Variants in MYO18A observed in about 807,000 individuals in gnomAD.
The protein encoded by MYO18A is myosin XVIIIA.
Under a neutral mutation model 235.8 loss-of-function variants are expected in MYO18A, and 78 were observed. That is an observed-to-expected ratio of 0.33 (90% CI 0.28 to 0.40). The LOEUF is 0.40. Among genes scored for constraint, MYO18A ranks in the 10% least tolerant of loss-of-function variants. The pLI is 1.00. For synonymous variants in MYO18A, 977 were observed against 1,077.8 expected (o/e 0.91, Z 1.83); for missense variants, 2,215 against 2,699.3 (o/e 0.82, Z 3.98).
chr17:29,166,948 G>T lies in MYO18A; in HGVS notation c.-8C>A. The T allele has an allele frequency of 6.6e-7, 1 of 1,526,434 alleles. No homozygotes were observed. Among genetic ancestry groups the T allele is most frequent in the Non-Finnish European group, 8.8e-7 (1 of 1,132,250 alleles). The allele number at this position is 1,526,434 out of a possible 1,614,324, so 94.6% of individuals were successfully genotyped here. ...CTTCATTAGGTTAAACATGGTGGGGGTGCTGTTTGTAGGGGTAGCACCCCC... is the reference window on the plus strand; with the variant it reads ...CTTCATTAGGTTAAACATGGTGGGGTTGCTGTTTGTAGGGGTAGCACCCCC... On this transcript the variant is annotated 5_prime_UTR_variant, in exon 2 of 42. Coordinates refer to ENST00000527372, the MANE Select transcript of MYO18A (RefSeq NM_078471.4).
chr17:29,157,787 T>C (rs2068091122), intron 2 of MYO18A, among the ~76,000 whole-genome samples: 1 of 152,086 alleles, frequency 6.6e-6, no homozygotes, highest in Non-Finnish European at 1.5e-5. Context: ...GTTCAGTCTT[T>C]TTTTTTTCTT....
chr17:29,080,174 T>C, intron 41 of MYO18A: 1 of 986,038 alleles, frequency 1.0e-6, no homozygotes, highest in Non-Finnish European at 1.2e-6. Flanking sequence ...CTCCGGGCAC[T>C]TTGGATGCTC....
intron 2 of MYO18A, among the ~76,000 whole-genome samples, chr17:29,139,860 G>T (rs2067695251): frequency 6.6e-6 from 1 of 152,118 alleles, no homozygotes; most frequent in African/African-American, 2.4e-5. Context: ...CAACTCCAAG[G>T]ACCATCCCCT....
At position 29,117,883 on chromosome 17, in the gene MYO18A, G is replaced by A; in HGVS notation, c.2038+162C>T. On this transcript the variant is annotated intron_variant, in intron 10 of 41. Transcript: ENST00000527372. This position sits in a 1 kb window ranked among gnomAD's most constrained non-coding sequence, Gnocchi z 4.6. ...CGTCACTGCCAAAGATGCTTCCCGG[G>A]CCTTCTGCTCTGAAGTGGGGGGCTG... 1 of 840,982 alleles carries A rather than the reference G, an allele frequency of 1.2e-6. No homozygotes were observed. The highest frequency in any genetic ancestry group is 1.8e-6 in the Non-Finnish European group (1 of 555,632). The allele number at this position is 840,982 out of a possible 1,614,324, so 52.1% of individuals were successfully genotyped here. A position where few individuals can be genotyped will look rare whatever the true frequency, so the allele number is the denominator to read the frequency against.
intron 11 of MYO18A, among the ~76,000 whole-genome samples, chr17:29,116,065 A>G (rs1191478767): frequency 2.6e-5 from 4 of 152,228 alleles, no homozygotes; most frequent in African/African-American, 7.2e-5. Context: ...GTAACTCCAC[A>G]TGCTGCCACC....
At chr17:29,178,382 G>T (rs999993155) in intron 1 of MYO18A, among the ~76,000 whole-genome samples, 7 of 152,062 alleles carry the variant, frequency 4.6e-5, no homozygotes, top group Non-Finnish European at 1.0e-4. Flanking sequence ...CCGCCAGCCT[G>T]TGGCCCCTCC....
chr17:29,116,321 C>A, intron 11 of MYO18A, 123 bp downstream of exon 11: 1 of 1,126,304 alleles, frequency 8.9e-7, no homozygotes, highest in East Asian at 2.4e-5. Context: ...CACTGATGGC[C>A]CAACAGTGGG....
chr17:29,149,582 C>G (rs900081635), intron 2 of MYO18A, among the ~76,000 whole-genome samples: 5 of 152,230 alleles, frequency 3.3e-5, no homozygotes, highest in Non-Finnish European at 7.3e-5. Flanking sequence ...CAAGTAGGGA[C>G]GCCTGGGCTT....
At position 29,122,263 on chromosome 17, in the gene MYO18A, A is replaced by G; in HGVS notation, c.1000-10T>C. On this transcript the variant is annotated splice_polypyrimidine_tract_variant and intron_variant, in intron 2 of 41. Transcript: ENST00000527372. Reference sequence around the variant, plus strand: ...GTTCTTCTGTTTTCGCCTGTCAGAGAGAGAGAAGAATAAACAGGCCCTGCT... The same window carrying G: ...GTTCTTCTGTTTTCGCCTGTCAGAGGGAGAGAAGAATAAACAGGCCCTGCT... 6.2e-7 allele frequency: 1 copy of G among 1,607,042 alleles called. No individual in the cohort carries two copies. The highest frequency in any genetic ancestry group is 8.5e-7 in the Non-Finnish European group (1 of 1,176,712).
At position 29,090,067 on chromosome 17, in the gene MYO18A, A is replaced by T. The variant is rs1173948661; in HGVS notation, c.5420T>A (p.Leu1807Gln). Residue 1807 changes from leucine (L) to glutamine (Q), a missense_variant, in exon 37 of 42, where the codon CTG becomes CAG. Transcript: ENST00000527372. ...GGACTTGTCCACCATGGACTGCTCC[A>T]GGAACTCCACCTGGCTCTGGAGGGC... ...LQALQSQVEF[L>Q]EQSMVDKSLV... The T allele has an allele frequency of 6.2e-7, 1 of 1,613,532 alleles. No individual in the cohort carries two copies.
At chr17:29,150,324 G>A (rs1420468234) in intron 2 of MYO18A, among the ~76,000 whole-genome samples, 2 of 152,262 alleles carry the variant, frequency 1.3e-5, no homozygotes, top group Admixed American at 6.5e-5. Flanking sequence ...AACAGCCTGG[G>A]CCAAATCCAC....
chr17:29,119,843 C>T (rs1020532806), intron 7 of MYO18A, among the ~76,000 whole-genome samples: 10 of 151,878 alleles, frequency 6.6e-5, no homozygotes, highest in African/African-American at 2.2e-4. Flanking sequence ...GGATTACAGG[C>T]GTGAGCCACC....
chr17:29,160,768 C>A (rs1344215130), intron 2 of MYO18A, among the ~76,000 whole-genome samples: 1 of 152,218 alleles, frequency 6.6e-6, no homozygotes, highest in Non-Finnish European at 1.5e-5. Flanking sequence ...GCCTGAAAGC[C>A]TTTGACTAGA....
rs2067104104 is a variant in MYO18A at position 29,117,639 on chromosome 17, A to G, written c.2038+406T>C. Among the ~76,000 whole-genome samples, 1 of 152,180 alleles carries G rather than the reference A, an allele frequency of 6.6e-6. No individual in the cohort carries two copies. Among genetic ancestry groups the G allele is most frequent in the Admixed American group, 6.5e-5 (1 of 15,292 alleles). ...CCTAGAAAGTCCTGGGCAAGCACCA[A>G]GACAGGGCACGGCGGCCCCTATACC... On this transcript the variant is annotated intron_variant, in intron 10 of 41. Coordinates refer to ENST00000527372, the MANE Select transcript of MYO18A (RefSeq NM_078471.4). This position sits in a 1 kb window ranked among gnomAD's most constrained non-coding sequence, Gnocchi z 4.6.
chr17:29,097,721 T>C, intron 26 of MYO18A, 67 bp downstream of exon 26: 4 of 1,388,762 alleles, frequency 2.9e-6, no homozygotes, highest in Non-Finnish European at 4.0e-6. Flanking sequence ...GGGGCATGAC[T>C]ACCCAGGGGT....
chr17:29,083,532 G>GCACACACACACA (rs57491599), intron 40 of MYO18A, among the ~76,000 whole-genome samples: 1 of 144,662 alleles, frequency 6.9e-6, no homozygotes, highest in Non-Finnish European at 1.5e-5. Context: ...GCGCGCGCGC[G>GCACACACACACA]CACACACACA....
chr17:29,106,320 C>T lies in MYO18A; in HGVS notation c.3441+760G>A, dbSNP rs190477188. 1.1e-4 allele frequency among the ~76,000 whole-genome samples: 17 copies of T among 152,228 alleles called. 1 individual carries two copies. The East Asian group carries it at 2.3e-3, about 21-fold the overall frequency. The stretch of plus-strand genomic sequence containing the variant: ...GCCAAAGGATGGAGGGAAGTTCTTC[C>T]GAGCCCCCTCCATGAATTCAGGTCT... On this transcript the variant is annotated intron_variant, in intron 20 of 41. Transcript: ENST00000527372. The surrounding 1 kb of genome is among the most constrained non-coding windows in gnomAD (Gnocchi z 4.6).
In MYO18A at chr17:29,094,086, T is replaced by C; in HGVS notation, c.4715A>G (p.Lys1572Arg). ...CTCCATCTCCATCTCCAGACGCAGC[T>C]TGGCCTGGAGGTGGTTGGAGTAGGG... Reference protein sequence around the residue: ...AGTIQMLEQAKLRLEMEMERM... With the variant: ...AGTIQMLEQARLRLEMEMERM... Residue 1572 changes from lysine (K) to arginine (R), a missense_variant, in exon 31 of 42, where the codon AAG (lysine) becomes AGG (arginine). By Grantham distance (26) the Lys-to-Arg change is conservative (BLOSUM62 2). Coordinates refer to ENST00000527372, the MANE Select transcript of MYO18A (RefSeq NM_078471.4). 6.9e-6 allele frequency: 11 copies of C among 1,604,984 alleles called. No individual in the cohort carries two copies. The highest frequency in any genetic ancestry group is 9.4e-6 in the Non-Finnish European group (11 of 1,176,140).
Position 29,092,945 on chromosome 17 carries a change from G to C in MYO18A, c.4983C>G (p.Thr1661=), listed in dbSNP as rs1249587379. Residue 1661 remains threonine, a synonymous_variant, in exon 33 of 42, where the codon ACC becomes ACG. Transcript: ENST00000527372. ...GCTGGGCATCTGCCAGCAGGGCCTTGGTGCGCTTCAGGTCCTTCCGCAGCC... is the reference window on the plus strand; with the variant it reads ...GCTGGGCATCTGCCAGCAGGGCCTTCGTGCGCTTCAGGTCCTTCCGCAGCC... ...EKRLRKDLKR[T]KALLADAQLM... 1 of 1,613,880 alleles carries C rather than the reference G, an allele frequency of 6.2e-7. No homozygotes were observed. Among genetic ancestry groups the C allele is most frequent in the Admixed American group, 1.7e-5 (1 of 60,026 alleles).
Sources: gnomAD v4.1 joint callset for allele counts (sites outside exome capture counted in the v4.1 genomes callset) on GRCh38, gnomAD v4.1.1 for gene constraint, Gnocchi (gnomAD v3.1) non-coding constraint, MANE v1.5 for transcripts, NCBI Gene and HGNC (gene_info 2026-07-23, HGNC 2026-07-21) for gene names.